PDE1A: variants seen among roughly 807,000 people sequenced by gnomAD.
PDE1A encodes phosphodiesterase 1A.
Under a neutral mutation model 61.7 loss-of-function variants are expected in PDE1A, and 35 were observed. The observed-to-expected ratio is 0.57, with a 90% CI of 0.43 to 0.75. The LOEUF is 0.75. PDE1A is among the 30% of genes least tolerant of loss of function. PDE1A has a pLI of 0.00. For missense variants in PDE1A, 597 were observed against 630.6 expected, an observed-to-expected ratio of 0.95 and a Z score of 0.57; for synonymous variants, 232 against 213.2, an observed-to-expected ratio of 1.09 and a Z score of -0.77.
At chr2:182,522,764 A>C (rs1690647406), upstream of PDE1A, 1 of 683,816 alleles carries the variant, frequency 1.5e-6, no homozygotes, top group Admixed American at 6.0e-5. Flanking sequence ...TCTATTATGC[A>C]CAAGAGAAAC....
At chr2:182,157,624 A>T (rs1341987491) in intron 13 of PDE1A, among the ~76,000 whole-genome samples, 1 of 152,056 alleles carries the variant, frequency 6.6e-6, no homozygotes, top group Non-Finnish European at 1.5e-5. Flanking sequence ...TTTTTCGTGG[A>T]GACTAAACCC....
chr2:182,690,264 C>A, the PDE1A span, among the ~76,000 whole-genome samples: 2 of 152,032 alleles, frequency 1.3e-5, no homozygotes, highest in Non-Finnish European at 2.9e-5. Flanking sequence ...TGATGAACAT[C>A]GATGCAAAAT....
chr2:182,316,120 A>G (rs1696325470), intron 1 of PDE1A, among the ~76,000 whole-genome samples: 1 of 152,182 alleles, frequency 6.6e-6, no homozygotes, highest in South Asian at 2.1e-4. Context: ...TGCATCCAGG[A>G]GTTGAAGATG....
the PDE1A span, among the ~76,000 whole-genome samples, chr2:182,559,835 G>A: frequency 2.0e-5 from 3 of 152,008 alleles, no homozygotes; most frequent in Non-Finnish European, 2.9e-5. Flanking sequence ...AGGATGACTC[G>A]CACAAGTATC....
At chr2:182,521,820 AAAG>A (rs1263078419) in intron 2 of PDE1A, among the ~76,000 whole-genome samples, 1 of 152,170 alleles carries the variant, frequency 6.6e-6, no homozygotes, top group African/African-American at 2.4e-5. Flanking sequence ...ATTTAAGCAA[AAAG>A]AAGCACAATA....
At chr2:182,230,071 T>C (rs1469939297) in exon 6 of PDE1A, 1 of 1,612,920 alleles carries the variant, frequency 6.2e-7, no homozygotes, top group Non-Finnish European at 8.5e-7. Flanking sequence ...TGAATCAAAT[T>C]GTGATATGGA....
chr2:182,663,095 G>A, the PDE1A span, among the ~76,000 whole-genome samples: 1 of 152,100 alleles, frequency 6.6e-6, no homozygotes, highest in African/African-American at 2.4e-5. Context: ...CAACATTACC[G>A]ATCAATAGAG....
At chr2:182,334,965 A>G (rs921212814) in intron 1 of PDE1A, among the ~76,000 whole-genome samples, 4 of 152,212 alleles carry the variant, frequency 2.6e-5, no homozygotes, top group African/African-American at 7.2e-5. Context: ...ATTCACAAGC[A>G]TTCCTATACA....
Position 182,265,254 on chromosome 2 carries a change from A to ACCCC in PDE1A, c.54-841_54-840insGGGG, listed in dbSNP as rs1245942191. ...ACCACCTGTACCCCCCAAAAAAACT[A>ACCCC]CTAAATAAATAAAAAATTAAGAAAT... On this transcript the variant is annotated intron_variant, in intron 1 of 13. Transcript: ENST00000351439. 1.8e-4 allele frequency among the ~76,000 whole-genome samples: 28 copies of ACCCC among 152,058 alleles called. 1 individual carries two copies. In the South Asian group the frequency reaches 5.8e-3, roughly 32 times the overall value.
the PDE1A span, among the ~76,000 whole-genome samples, chr2:182,608,307 G>C: frequency 6.6e-6 from 1 of 152,364 alleles, no homozygotes; most frequent in Middle Eastern, 3.4e-3. Flanking sequence ...TTTGACTGTA[G>C]GTCATCATGA....
chr2:182,465,294 T>C (rs1686582265), intron 2 of PDE1A, among the ~76,000 whole-genome samples: 1 of 152,120 alleles, frequency 6.6e-6, no homozygotes, highest in South Asian at 2.1e-4. Context: ...TAAATGTCTA[T>C]GCCTAAGAAT....
the PDE1A span, among the ~76,000 whole-genome samples, chr2:182,535,701 T>C: frequency 2.6e-5 from 4 of 152,278 alleles, no homozygotes; most frequent in African/African-American, 9.6e-5. Flanking sequence ...TTCTACTAAC[T>C]GTGAATATTT....
chr2:182,550,859 G>A, the PDE1A span, among the ~76,000 whole-genome samples: 81 of 152,180 alleles, frequency 5.3e-4, 1 homozygote, highest in African/African-American at 1.9e-3. Flanking sequence ...GCAAATGGAG[G>A]AAAAAGGAGC....
intron 1 of PDE1A, among the ~76,000 whole-genome samples, chr2:182,294,132 T>C (rs769997180): frequency 1.1e-4 from 16 of 152,184 alleles, no homozygotes; most frequent in Admixed American, 3.9e-4. Context: ...ATATAAAAAC[T>C]ACGAATTGTT....
intron 1 of PDE1A, among the ~76,000 whole-genome samples, chr2:182,349,588 C>T (rs1698735959): frequency 6.6e-6 from 1 of 152,158 alleles, no homozygotes; most frequent in Non-Finnish European, 1.5e-5. Context: ...TGTCAAACTG[C>T]ATTCCTTCCC....
At chr2:182,558,461 T>G in the PDE1A span, among the ~76,000 whole-genome samples, 1 of 152,156 alleles carries the variant, frequency 6.6e-6, no homozygotes, top group Non-Finnish European at 1.5e-5. Flanking sequence ...AAAACAAAAT[T>G]AAAGCTTTTA....
At chr2:182,646,263 C>T in the PDE1A span, among the ~76,000 whole-genome samples, 34 of 151,088 alleles carry the variant, frequency 2.3e-4, no homozygotes, top group East Asian at 5.1e-3. Context: ...GACTGGCCAA[C>T]GTGGTGAAAC....
At chr2:182,497,416 T>C (rs1688782849) in intron 2 of PDE1A, among the ~76,000 whole-genome samples, 1 of 152,094 alleles carries the variant, frequency 6.6e-6, no homozygotes, top group South Asian at 2.1e-4. Flanking sequence ...GAAAGTGGGG[T>C]TTTGGCTATG....
chr2:182,658,899 A>G, the PDE1A span, among the ~76,000 whole-genome samples: 1 of 152,080 alleles, frequency 6.6e-6, no homozygotes, highest in Non-Finnish European at 1.5e-5. Context: ...ACACTGGCAA[A>G]TCTTTTTTCC....
Sources: gnomAD v4.1 joint callset for allele counts (sites outside exome capture counted in the v4.1 genomes callset) on GRCh38, gnomAD v4.1.1 for gene constraint, MANE v1.5 for transcripts, NCBI Gene and HGNC (gene_info 2026-07-23, HGNC 2026-07-21) for gene names.